The following MADD variants were observed in gnomAD, a reference collection of about 807,000 sequenced individuals.
MADD encodes MAP kinase activating death domain, also known as MAP kinase-activating death domain protein.
Under a neutral mutation model 176.7 loss-of-function variants are expected in MADD, and 109 were observed. The observed-to-expected ratio is 0.62, with a 90% CI of 0.53 to 0.72. MADD has a LOEUF of 0.72. Ranked by LOEUF, MADD falls within the 30% of genes least tolerant of loss-of-function variation. MADD has a pLI of 0.00. For missense variants in MADD, 1,914 were observed against 2,045.5 expected (o/e 0.94, Z 1.24); for synonymous variants, 771 against 771.3 (o/e 1.00, Z 0.01).
Position 47,328,465 on chromosome 11 carries a change from C to T in MADD, c.4613-193C>T. 4 of 1,454,618 alleles carry T rather than the reference C, an allele frequency of 2.7e-6. No homozygotes were observed. In the East Asian group the frequency reaches 9.9e-5, roughly 36 times the overall value. 90.1% of individuals were successfully genotyped at this position (1,454,618 alleles called of 1,614,324 possible). A position where few individuals can be genotyped will look rare whatever the true frequency, so the allele number is the denominator to read the frequency against. On this transcript the variant is annotated intron_variant, in intron 31 of 32. Coordinates refer to ENST00000402192, the Ensembl canonical transcript of MADD. ...CTAGCTGAGGAGGCTAGGGCCATGT[C>T]CTCCCAGCTGGCAGAGTCTGGACAG... is the stretch of plus-strand genomic sequence containing the variant.
intron 22 of MADD, among the ~76,000 whole-genome samples, chr11:47,299,858 C>G (rs183509022): frequency 6.6e-6 from 1 of 152,246 alleles, no homozygotes; most frequent in African/African-American, 2.4e-5. Flanking sequence ...TGACTTCCTT[C>G]TGTCCAAGTT....
intron 31 of MADD, 71 bp downstream of exon 35, chr11:47,326,878 G>C: frequency 6.3e-7 from 1 of 1,597,122 alleles, no homozygotes; most frequent in Non-Finnish European, 8.5e-7. Flanking sequence ...CTCCAGAGGA[G>C]GGTCTAGGGG....
At chr11:47,288,918 G>A (rs373953933) in intron 15 of MADD, 50 bp from the exon 16 acceptor site, 4 of 1,308,030 alleles carry the variant, frequency 3.1e-6, no homozygotes, top group Non-Finnish European at 2.2e-6. Context: ...GAGGGGTAGA[G>A]GGGTTGCGGT....
At chr11:47,315,513 C>T (rs1215043039) in intron 27 of MADD, among the ~76,000 whole-genome samples, 186 bp downstream of exon 30, 1 of 152,146 alleles carries the variant, frequency 6.6e-6, no homozygotes, top group Non-Finnish European at 1.5e-5. Flanking sequence ...CTCGCTCTGT[C>T]ACCCAGGCTG....
intron 25 of MADD, among the ~76,000 whole-genome samples, chr11:47,310,516 C>T (rs1260842133): frequency 6.6e-6 from 1 of 152,116 alleles, no homozygotes; most frequent in Non-Finnish European, 1.5e-5. Context: ...TATGTGGTCT[C>T]TCTTTACTAA....
At chr11:47,304,281 A>T (rs1231547839) in intron 22 of MADD, among the ~76,000 whole-genome samples, 21 of 149,562 alleles carry the variant, frequency 1.4e-4, no homozygotes, top group African/African-American at 5.2e-4. Context: ...CCTAGGCTGG[A>T]ATGCAATGGC....
chr11:47,327,921 C>T (rs1039019951), intron 31 of MADD: 60 of 985,158 alleles, frequency 6.1e-5, no homozygotes, highest in Admixed American at 5.5e-4. Flanking sequence ...ATGGCTGGAG[C>T]GGGGGGACTC....
intron 14 of MADD, among the ~76,000 whole-genome samples, chr11:47,285,979 T>A (rs1592462690): frequency 6.6e-6 from 1 of 152,212 alleles, no homozygotes; most frequent in African/African-American, 2.4e-5. Context: ...GAAATCGATA[T>A]GAGATTGAAT....
At chr11:47,312,401 C>T (rs1012606614) in intron 26 of MADD, among the ~76,000 whole-genome samples, 5 of 151,952 alleles carry the variant, frequency 3.3e-5, no homozygotes, top group African/African-American at 4.8e-5. Flanking sequence ...GGCATGTGCC[C>T]GCCCACCCAG....
chr11:47,289,346 G>A lies in MADD; in HGVS notation c.2654-45G>A, dbSNP rs370806380. On this transcript the variant is annotated intron_variant, in intron 15 of 32. Transcript: ENST00000402192. ...TAGGGCTGTGCTGGCATGAGCTCCT[G>A]TACTACAATAGTGATGTCTCTCATT... 6.8e-6 allele frequency: 10 copies of A among 1,480,688 alleles called. No individual in the cohort carries two copies. In the African/African-American group the frequency reaches 1.2e-4, roughly 18 times the overall value. 91.7% of individuals were successfully genotyped at this position (1,480,688 alleles called of 1,614,324 possible). A position where few individuals can be genotyped will look rare whatever the true frequency, so the allele number is the denominator to read the frequency against.
chr11:47,288,922 T>C, intron 15 of MADD, 46 bp from the exon 16 acceptor site: 1 of 1,357,902 alleles, frequency 7.4e-7, no homozygotes, highest in Non-Finnish European at 1.0e-6. Flanking sequence ...GGTAGAGGGG[T>C]TGCGGTATTG....
At chr11:47,295,395 CAG>C in intron 20 of MADD, 99 bp from the exon 23 acceptor site, 1 of 907,298 alleles carries the variant, frequency 1.1e-6, no homozygotes, top group Non-Finnish European at 1.8e-6. Flanking sequence ...AGGATGATAA[CAG>C]AAGGGTGGGG....
intron 31 of MADD, 133 bp from the exon 36 acceptor site, chr11:47,328,525 G>A (rs1403096371): frequency 2.6e-6 from 4 of 1,525,734 alleles, no homozygotes; most frequent in African/African-American, 2.7e-5. Context: ...CATAGCCTAA[G>A]CTGCTGCAGC....
At chr11:47,296,031 C>T (rs2139317789) in exon 22 of MADD, 26 of 1,613,964 alleles carry the variant, frequency 1.6e-5, no homozygotes, top group Non-Finnish European at 2.1e-5. Flanking sequence ...AAATTGAGAC[C>T]AACTCTGCCA....
At chr11:47,283,295 G>A (rs1206798543) in intron 10 of MADD, among the ~76,000 whole-genome samples, 5 of 151,502 alleles carry the variant, frequency 3.3e-5, no homozygotes, top group South Asian at 2.1e-4. Context: ...GGGTTTCACC[G>A]TGTTAGCCAG....
chr11:47,296,030 C>G, exon 22 of MADD: 1 of 1,613,878 alleles, frequency 6.2e-7, no homozygotes, highest in Non-Finnish European at 8.5e-7. Context: ...GAAATTGAGA[C>G]CAACTCTGCC....
rs140177101 is a variant in MADD at position 47,292,567 on chromosome 11, T to A, written c.3302-1316T>A. The A allele has an allele frequency of 1.9e-6, 3 of 1,613,808 alleles. No homozygotes were observed. The African/African-American group carries it at 4.0e-5, about 22-fold the overall frequency. ...GAATTGTGGAACAAGCACCAGGAAG[T>A]GAAAAAGCAAAAAGCTTTGGAAAAA... is the stretch of plus-strand genomic sequence containing the variant. On this transcript the variant is annotated intron_variant, in intron 19 of 32. Transcript: ENST00000402192.
chr11:47,284,832 T>C lies in MADD; in HGVS notation c.2158-109T>C. ...TGCTACAGAGATCATTTCCCACACA[T>C]TCCTTAGGCTAGAAATCTGACAGGC... On this transcript the variant is annotated intron_variant, in intron 12 of 32. Coordinates refer to ENST00000402192, the Ensembl canonical transcript of MADD. 4 of 1,468,294 alleles carry C rather than the reference T, an allele frequency of 2.7e-6. No homozygotes were observed. The East Asian group carries it at 6.8e-5, about 25-fold the overall frequency. The allele number at this position is 1,468,294 out of a possible 1,614,324, so 91.0% of individuals were successfully genotyped here. A position where few individuals can be genotyped will look rare whatever the true frequency, so the allele number is the denominator to read the frequency against.
chr11:47,322,183 G>A (rs567034978), intron 27 of MADD, among the ~76,000 whole-genome samples: 19 of 152,244 alleles, frequency 1.2e-4, no homozygotes, highest in African/African-American at 4.3e-4. Flanking sequence ...GAGGAATTGT[G>A]GACACAGATG....
Sources: gnomAD v4.1 joint callset for allele counts (sites outside exome capture counted in the v4.1 genomes callset) on GRCh38, gnomAD v4.1.1 for gene constraint, MANE v1.5 for transcripts, NCBI Gene and HGNC (gene_info 2026-07-23, HGNC 2026-07-21) for gene names.